The following DMAP1 variants were observed in gnomAD, a reference collection of about 807,000 sequenced individuals.
DMAP1 encodes DNA methyltransferase 1-associated protein 1.
Under a neutral mutation model 52.7 loss-of-function variants are expected in DMAP1, and 26 were observed. That is an observed-to-expected ratio of 0.49 (90% CI 0.36 to 0.68). DMAP1 has a LOEUF of 0.68. DMAP1 is among the 30% of genes least tolerant of loss of function. The pLI, the probability that DMAP1 is intolerant of heterozygous loss-of-function variation, is 0.00. For missense variants in DMAP1, 439 were observed against 625.2 expected, an observed-to-expected ratio of 0.70 and a Z score of 3.18; for synonymous variants, 231 against 246.0, an observed-to-expected ratio of 0.94 and a Z score of 0.57.
chr1:44,220,392 T>C, intron 9 of DMAP1, 83 bp downstream of exon 9: 3 of 1,524,920 alleles, frequency 2.0e-6, no homozygotes, highest in Non-Finnish European at 2.6e-6. Context: ...CCTCTCCCTC[T>C]AGTGCCTGCA....
intron 3 of DMAP1, chr1:44,216,227 ATTTT>A (rs796720370): frequency 6.8e-6 from 1 of 145,992 alleles, no homozygotes; most frequent in Non-Finnish European, 1.5e-5. Context: ...GTTCCTGAGG[ATTTT>A]TTTTTTTTCC....
At chr1:44,220,427 C>T (rs980016684) in intron 9 of DMAP1, 118 bp downstream of exon 9, 35 of 1,559,884 alleles carry the variant, frequency 2.2e-5, no homozygotes, top group Middle Eastern at 3.4e-4. Context: ...CACTTCTGTG[C>T]GAGTCTGAGA....
intron 3 of DMAP1, chr1:44,215,288 T>G (rs1643767755): frequency 2.2e-6 from 1 of 459,924 alleles, no homozygotes; most frequent in Non-Finnish European, 4.4e-6. Context: ...CTAATATCTC[T>G]TTCTCAATGC....
rs762027853 is a variant in DMAP1, at chr1:44,218,362, G to A, written c.445G>A (p.Asp149Asn). ...SEQEYQLYLH[D>N]DAWTKAETDH... is the part of the protein sequence containing the mutation. Reference sequence around the variant, plus strand: ...GCAGGAGTACCAGCTTTATCTCCACGATGATGCTTGGACTAAGGCAGAAAC... The same window carrying A: ...GCAGGAGTACCAGCTTTATCTCCACAATGATGCTTGGACTAAGGCAGAAAC... Residue 149 changes from aspartate (D) to asparagine (N), a missense_variant, in exon 4 of 10, where the codon GAT becomes AAT. Around this residue, in one of 3 missense-constraint regions of DMAP1, gnomAD observed 142 missense variants for 149.5 expected, o/e 0.95. Transcript: ENST00000372289. The surrounding 1 kb of genome is among the most constrained non-coding windows in gnomAD (Gnocchi z 5.6). 6.2e-6 allele frequency: 10 copies of A among 1,614,190 alleles called. 1 individual carries two copies. Among genetic ancestry groups the A allele is most frequent in the South Asian group, 4.4e-5 (4 of 91,084 alleles).
rs1019001331 is a variant in DMAP1, at chr1:44,219,347, G to A, written c.907-59G>A. ...GTACCCAGTGCTGATGGGGTGCTAG[G>A]ACTAACCCTGGGCCCTCTCCCTGTG... On this transcript the variant is annotated intron_variant, in intron 6 of 9. Transcript: ENST00000372289. 5.2e-6 allele frequency: 8 copies of A among 1,548,738 alleles called. No homozygotes were observed. The East Asian group carries it at 1.6e-4, about 31-fold the overall frequency.
Position 44,219,105 on chromosome 1 carries a change from G to A in DMAP1, c.770G>A (p.Arg257Gln), listed in dbSNP as rs1041312090. The change falls in exon 6 of 10, where the codon CGG becomes CAG. Residue 257 changes from arginine (R) to glutamine (Q), a missense_variant. Arg to Gln is a conservative substitution (Grantham distance 43, BLOSUM62 1). Around this residue, in one of 3 missense-constraint regions of DMAP1, gnomAD observed 179 missense variants for 285.9 expected, o/e 0.63. Coordinates refer to ENST00000372289, the MANE Select transcript of DMAP1 (RefSeq NM_019100.5). The stretch of plus-strand genomic sequence containing the variant: ...CAGGAGCTGCGCAAGATTGAGGCCC[G>A]GAAGAAGGAGCGGGAGAAACGCAGC... ...LLQELRKIEA[R>Q]KKEREKRSQD... 9 of 1,614,160 alleles carry A rather than the reference G, an allele frequency of 5.6e-6. No homozygotes were observed. Among genetic ancestry groups the A allele is most frequent in the Non-Finnish European group, 6.8e-6 (8 of 1,180,026 alleles).
At chr1:44,214,659 A>C (rs776473589) in intron 2 of DMAP1, 44 bp from the exon 3 acceptor site, 1 of 1,612,424 alleles carries the variant, frequency 6.2e-7, no homozygotes, top group Non-Finnish European at 8.5e-7. Context: ...TCTTTAACAC[A>C]CCTTCTGATT....
In DMAP1 at chr1:44,213,582, G is replaced by T; in HGVS notation, c.-172G>T. 3 of 566,182 alleles carry T rather than the reference G, an allele frequency of 5.3e-6. No homozygotes were observed. The highest frequency in any genetic ancestry group is 4.6e-5 in the South Asian group (2 of 43,812). 35.1% of individuals were successfully genotyped at this position (566,182 alleles called of 1,614,324 possible). On this transcript the variant is annotated 5_prime_UTR_variant, in exon 1 of 10. Coordinates refer to ENST00000372289, the MANE Select transcript of DMAP1 (RefSeq NM_019100.5). This position sits in a 1 kb window ranked among gnomAD's most constrained non-coding sequence, Gnocchi z 4.5. ...AAGGGGCCGTTAGGAACATCCAAGC[G>T]GTGGGGCACAGGCAGATCCCCGACC...
rs569675468 is a variant in DMAP1 at position 44,219,394 on chromosome 1, C to T, written c.907-12C>T. On this transcript the variant is annotated splice_polypyrimidine_tract_variant and intron_variant, in intron 6 of 9. Coordinates refer to ENST00000372289, the MANE Select transcript of DMAP1 (RefSeq NM_019100.5). ...TGTGACACCTTGGTCTCCATAATGCCTTCTCCCCCAGGCTGTTCCTGAGAC... is the reference window on the plus strand; with the variant it reads ...TGTGACACCTTGGTCTCCATAATGCTTTCTCCCCCAGGCTGTTCCTGAGAC... The T allele has an allele frequency of 9.5e-6, 15 of 1,571,758 alleles. No individual in the cohort carries two copies. The South Asian group carries it at 1.7e-4, about 18-fold the overall frequency.
rs565348656 is a variant in DMAP1 at position 44,219,240 on chromosome 1, C to T, written c.905C>T (p.Pro302Leu). 17 of 1,612,664 alleles carry T rather than the reference C, an allele frequency of 1.1e-5. No homozygotes were observed. Among genetic ancestry groups the T allele is most frequent in the African/African-American group, 2.7e-5 (2 of 74,870 alleles). ...CCCCAGAAAAAGGAGGCTGAGAAGC[C>T]GGTGCGGAGGTTCCGCCAGCCTAGC... ...KLPQKKEAEK[P>L]AVPETAGIKF... The change falls in exon 6 of 10, where the codon CCG becomes CTG. Residue 302 changes from proline to leucine, a missense_variant and splice_region_variant. Physicochemically the swap from Pro to Leu is moderately conservative, Grantham distance 98. Transcript: ENST00000372289.
In DMAP1 at chr1:44,219,542, A is replaced by G. The variant is rs56395724; in HGVS notation, c.978+65A>G. 0.01 allele frequency: 14,752 copies of G among 1,467,114 alleles called. 509 individuals are homozygous for G. In the African/African-American group the frequency reaches 0.12, roughly 11 times the overall value. The allele number at this position is 1,467,114 out of a possible 1,614,324, so 90.9% of individuals were successfully genotyped here. On this transcript the variant is annotated intron_variant, in intron 7 of 9. Transcript: ENST00000372289. ...CTCTGCTCTGGGCTCCATGTGTCCC[A>G]AACGCTGCAGGCAGGTGGGGATGGA...
chr1:44,214,942 C>G, intron 3 of DMAP1, 44 bp downstream of exon 3: 1 of 1,610,720 alleles, frequency 6.2e-7, no homozygotes, highest in Non-Finnish European at 8.5e-7. Context: ...TGCCCTCCCA[C>G]TTTGAGCCAT....
rs368742800 is a variant in DMAP1 at position 44,218,410 on chromosome 1, C to T, written c.493C>T (p.Arg165Cys). 39 of 1,614,114 alleles carry T rather than the reference C, an allele frequency of 2.4e-5. No individual in the cohort carries two copies. Among genetic ancestry groups the T allele is most frequent in the Middle Eastern group, 1.6e-4 (1 of 6,084 alleles). The change falls in exon 4 of 10, where the codon CGC becomes TGC. Residue 165 changes from arginine (R) to cysteine (C), a missense_variant. By Grantham distance (180) the Arg-to-Cys change is radical. Transcript: ENST00000372289. This position sits in a 1 kb window ranked among gnomAD's most constrained non-coding sequence, Gnocchi z 5.6. Reference sequence around the variant, plus strand: ...AACTGACCACCTCTTTGACCTCAGCCGCCGCTTTGACCTGCGTTTTGTTGT... The same window carrying T: ...AACTGACCACCTCTTTGACCTCAGCTGCCGCTTTGACCTGCGTTTTGTTGT... ...AETDHLFDLS[R>C]RFDLRFVVIH...
In DMAP1 at chr1:44,220,651, G is replaced by C; in HGVS notation, c.*33G>C. The C allele has an allele frequency of 6.2e-7, 1 of 1,613,548 alleles. No individual in the cohort carries two copies. On this transcript the variant is annotated 3_prime_UTR_variant, in exon 10 of 10. Coordinates refer to ENST00000372289, the MANE Select transcript of DMAP1 (RefSeq NM_019100.5). ...CACGGGGTGTGGGCGACGCTGTTATGTAAATAGAGCTGCTGAGTTGGACCA... is the reference window on the plus strand; with the variant it reads ...CACGGGGTGTGGGCGACGCTGTTATCTAAATAGAGCTGCTGAGTTGGACCA...
At chr1:44,215,601 G>A in intron 3 of DMAP1, 1 of 314,212 alleles carries the variant, frequency 3.2e-6, no homozygotes, top group Non-Finnish European at 6.3e-6. Flanking sequence ...TATGAAATGA[G>A]ATAAAGAGTG....
chr1:44,215,148 C>T, intron 3 of DMAP1: 1 of 632,494 alleles, frequency 1.6e-6, no homozygotes, highest in Non-Finnish European at 2.9e-6. Flanking sequence ...TGTTGCTGTT[C>T]CTCAGAGCTG....
chr1:44,214,249 T>C lies in DMAP1; in HGVS notation c.106-101T>C, dbSNP rs956400564. ...TTACAGTGTGTCAGTTTGCCTGTCATTGACCCTGTAGGTGCTGCTTTGTTC... is the reference window on the plus strand; with the variant it reads ...TTACAGTGTGTCAGTTTGCCTGTCACTGACCCTGTAGGTGCTGCTTTGTTC... On this transcript the variant is annotated intron_variant, in intron 1 of 9. Transcript: ENST00000372289. 3.6e-6 allele frequency: 4 copies of C among 1,113,268 alleles called. No individual in the cohort carries two copies. In the African/African-American group the frequency reaches 6.2e-5, roughly 17 times the overall value. 69.0% of individuals were successfully genotyped at this position (1,113,268 alleles called of 1,614,324 possible).
chr1:44,217,774 T>G (rs1572029692), intron 3 of DMAP1: 2 of 202,362 alleles, frequency 9.9e-6, no homozygotes, highest in Non-Finnish European at 2.1e-5. Flanking sequence ...CTGGGGGAGG[T>G]CTGTGGAAGA....
chr1:44,216,649 A>C (rs1476639484), intron 3 of DMAP1: 1 of 152,222 alleles, frequency 6.6e-6, no homozygotes, highest in African/African-American at 2.4e-5. Flanking sequence ...GAGAGCTCGA[A>C]AGGTTGAGAA....
Sources: allele counts gnomAD v4.1 joint callset, GRCh38; gene constraint gnomAD v4.1.1; regional missense constraint gnomAD v4.1.1; non-coding constraint Gnocchi (gnomAD v3.1); transcripts MANE v1.5; gene names NCBI Gene and HGNC (gene_info 2026-07-23, HGNC 2026-07-21).